RGS22: variants seen among roughly 807,000 people sequenced by gnomAD.
RGS22 encodes the protein regulator of G-protein signaling 22.
RGS22 carries 148 observed loss-of-function variants against 172.9 expected under a neutral mutation model. The ratio of observed to expected loss-of-function variants is 0.86; its 90% CI spans 0.75 to 0.98. The LOEUF is 0.98. Among genes scored for constraint, RGS22 ranks in the 50% least tolerant of loss-of-function variants. RGS22 has a pLI of 0.00. For missense variants in RGS22, 1,347 were observed against 1,440.8 expected (o/e 0.93, Z 1.05); for synonymous variants, 458 against 480.2 (o/e 0.95, Z 0.60).
At chr8:99,976,583 G>A (rs1406374257) in intron 23 of RGS22, among the ~76,000 whole-genome samples, 3 of 152,062 alleles carry the variant, frequency 2.0e-5, no homozygotes, top group African/African-American at 7.2e-5. Context: ...GGATGGTCTC[G>A]ATTTCCTGAC....
chr8:100,094,095 T>C (rs1812786261), intron 2 of RGS22, among the ~76,000 whole-genome samples: 1 of 152,214 alleles, frequency 6.6e-6, no homozygotes, highest in South Asian at 2.1e-4. Flanking sequence ...GAATAAAGAT[T>C]GTATGCATTT....
chr8:99,996,966 A>T, intron 19 of RGS22, among the ~76,000 whole-genome samples: 1 of 152,208 alleles, frequency 6.6e-6, no homozygotes, highest in East Asian at 1.9e-4. Flanking sequence ...CTTTCTTGGG[A>T]ACCGCTCATA....
At position 100,014,562 on chromosome 8, in the gene RGS22, C is replaced by A. The variant is rs75655773; in HGVS notation, c.2167-5993G>T. ...GATCCCTTATGCAGCTTTAATACTG[C>A]TTATTATCTCCTCTCTCCTTGACTC... On this transcript the variant is annotated intron_variant, in intron 14 of 27. Coordinates refer to ENST00000360863, the MANE Select transcript of RGS22 (RefSeq NM_015668.5). Among the ~76,000 whole-genome samples the A allele has an allele frequency of 2.1e-3, 326 of 152,252 alleles. 2 individuals carry two copies. Among genetic ancestry groups the A allele is most frequent in the Non-Finnish European group, 3.9e-3 (265 of 68,020 alleles).
intron 20 of RGS22, among the ~76,000 whole-genome samples, chr8:99,990,009 T>G (rs1353475668): frequency 6.6e-6 from 1 of 152,170 alleles, no homozygotes; most frequent in African/African-American, 2.4e-5. Flanking sequence ...TGTTGAGTAA[T>G]TTACTCTCAA....
chr8:100,071,193 T>TGGGA (rs1474759764), intron 6 of RGS22, among the ~76,000 whole-genome samples, 176 bp downstream of exon 6: 2 of 152,036 alleles, frequency 1.3e-5, no homozygotes, highest in Admixed American at 6.6e-5. Flanking sequence ...GAGGCTGAGA[T>TGGGA]GGGAGGATCA....
intron 11 of RGS22, among the ~76,000 whole-genome samples, chr8:100,047,256 C>T (rs1041605179): frequency 6.6e-6 from 1 of 152,146 alleles, no homozygotes; most frequent in African/African-American, 2.4e-5. Context: ...TCAGAGGCAT[C>T]ATCTCTTTAA....
intron 15 of RGS22, among the ~76,000 whole-genome samples, chr8:100,007,257 G>C (rs1315759439): frequency 6.6e-6 from 1 of 152,196 alleles, no homozygotes; most frequent in East Asian, 1.9e-4. Flanking sequence ...AAAGGCAGCA[G>C]AGTTCCGCCT....
chr8:99,969,160 G>C (rs992262932), intron 23 of RGS22, among the ~76,000 whole-genome samples: 6 of 152,140 alleles, frequency 3.9e-5, no homozygotes, highest in African/African-American at 1.4e-4. Flanking sequence ...ATAAGTGAAG[G>C]AGAAATAATC....
intron 14 of RGS22, among the ~76,000 whole-genome samples, chr8:100,015,262 T>C (rs1234996898): frequency 2.0e-5 from 3 of 152,118 alleles, no homozygotes; most frequent in African/African-American, 7.2e-5. Flanking sequence ...GCCTCTCCCT[T>C]CCTCCTGTGT....
At chr8:100,043,063 C>T (rs946224647) in intron 11 of RGS22, among the ~76,000 whole-genome samples, 3 of 152,206 alleles carry the variant, frequency 2.0e-5, no homozygotes, top group Non-Finnish European at 4.4e-5. Context: ...AAGATTCAGG[C>T]CCTAATCTTT....
chr8:100,015,608 T>C (rs1816864311), intron 14 of RGS22, among the ~76,000 whole-genome samples: 1 of 152,176 alleles, frequency 6.6e-6, no homozygotes, highest in Admixed American at 6.5e-5. Context: ...TTTTCATTAA[T>C]AATATACCAT....
At chr8:100,068,515 T>C (rs1454970296) in intron 6 of RGS22, among the ~76,000 whole-genome samples, 1 of 152,194 alleles carries the variant, frequency 6.6e-6, no homozygotes, top group Non-Finnish European at 1.5e-5. Flanking sequence ...TTTAATTAAA[T>C]TCACATATAG....
chr8:99,976,094 G>A (rs1019066812), intron 23 of RGS22, among the ~76,000 whole-genome samples: 1 of 152,004 alleles, frequency 6.6e-6, no homozygotes, highest in Non-Finnish European at 1.5e-5. Flanking sequence ...GGAGGCTGAG[G>A]CACAAGAATC....
intron 4 of RGS22, among the ~76,000 whole-genome samples, chr8:100,077,082 C>T (rs1044351102): frequency 2.6e-5 from 4 of 151,962 alleles, no homozygotes; most frequent in African/African-American, 9.6e-5. Context: ...TTTTTTTTAA[C>T]TGCCTGTAAA....
At chr8:100,052,649 A>G (rs1171654105) in intron 10 of RGS22, among the ~76,000 whole-genome samples, 153 bp downstream of exon 10, 2 of 152,086 alleles carry the variant, frequency 1.3e-5, no homozygotes, top group African/African-American at 4.8e-5. Context: ...TAGAGAACAG[A>G]CTGTAGGTTT....
chr8:100,006,257 G>T, intron 15 of RGS22, 148 bp from the exon 16 acceptor site: 1 of 624,144 alleles, frequency 1.6e-6, no homozygotes, highest in Non-Finnish European at 2.7e-6. Flanking sequence ...ATTAGCTACA[G>T]CAGGGTCACA....
chr8:100,085,575 A>G (rs1812097314), intron 3 of RGS22, among the ~76,000 whole-genome samples: 2 of 152,218 alleles, frequency 1.3e-5, no homozygotes, highest in Admixed American at 6.5e-5. Context: ...GTTCCTCTGG[A>G]TTGAAATGAG....
Position 100,105,948 on chromosome 8 carries a change from C to G in RGS22, c.-27G>C, listed in dbSNP as rs1167031121. Reference sequence around the variant, plus strand: ...CCGTCCCCGCTGCCCGCGCCTGGAGCCCGCGCGGGCCGTCAGGGCCCTAGC... The same window carrying G: ...CCGTCCCCGCTGCCCGCGCCTGGAGGCCGCGCGGGCCGTCAGGGCCCTAGC... On this transcript the variant is annotated 5_prime_UTR_variant, in exon 1 of 28. Transcript: ENST00000360863. 2.1e-6 allele frequency: 3 copies of G among 1,453,392 alleles called. No homozygotes were observed. Among genetic ancestry groups the G allele is most frequent in the Admixed American group, 2.7e-5 (1 of 36,792 alleles). 90.0% of individuals were successfully genotyped at this position (1,453,392 alleles called of 1,614,324 possible). A position where few individuals can be genotyped will look rare whatever the true frequency, so the allele number is the denominator to read the frequency against.
chr8:100,005,646 T>C (rs900679964), intron 16 of RGS22, among the ~76,000 whole-genome samples: 4 of 152,208 alleles, frequency 2.6e-5, no homozygotes, highest in Non-Finnish European at 5.9e-5. Flanking sequence ...CTTTTCTGTT[T>C]AGAAAATTTA....
Sources: gnomAD v4.1 joint callset for allele counts (sites outside exome capture counted in the v4.1 genomes callset) on GRCh38, gnomAD v4.1.1 for gene constraint, MANE v1.5 for transcripts, NCBI Gene and HGNC (gene_info 2026-07-23, HGNC 2026-07-21) for gene names.